Variants in FBXW10B observed in about 807,000 individuals in gnomAD.
FBXW10B encodes the protein F-box and WD repeat domain containing 10B.
the FBXW10B span, among the ~76,000 whole-genome samples, chr17:15,571,317 T>C: frequency 6.6e-6 from 1 of 150,628 alleles, no homozygotes; most frequent in East Asian, 2.0e-4. Context: ...TGCACTCAAG[T>C]CTGGGTGACA....
At chr17:15,603,559 A>C in the FBXW10B span, among the ~76,000 whole-genome samples, 1 of 152,198 alleles carries the variant, frequency 6.6e-6, no homozygotes. Context: ...CAAAACTGTT[A>C]GACTGTCAAT....
the FBXW10B span, among the ~76,000 whole-genome samples, chr17:15,601,151 T>A: frequency 3.0e-4 from 45 of 150,492 alleles, 1 homozygote; most frequent in South Asian, 2.1e-4. Context: ...AGCTCACGCC[T>A]GTAATCCCAG....
the FBXW10B span, among the ~76,000 whole-genome samples, chr17:15,612,460 G>C: frequency 6.6e-6 from 1 of 151,946 alleles, no homozygotes; most frequent in Non-Finnish European, 1.5e-5. Flanking sequence ...CTTGCAGTGA[G>C]CCAAGACTGT....
the FBXW10B span, among the ~76,000 whole-genome samples, chr17:15,598,286 T>A: frequency 6.6e-6 from 1 of 152,032 alleles, no homozygotes; most frequent in Non-Finnish European, 1.5e-5. Flanking sequence ...TCCTATTATT[T>A]TTTTTTTCTC....
At chr17:15,608,535 C>T in the FBXW10B span, among the ~76,000 whole-genome samples, 1 of 152,042 alleles carries the variant, frequency 6.6e-6, no homozygotes, top group South Asian at 2.1e-4. Flanking sequence ...CTCACTGCAA[C>T]CTCCGCCTCC....
At chr17:15,596,675 G>C in the FBXW10B span, 1 of 1,613,162 alleles carries the variant, frequency 6.2e-7, no homozygotes, top group South Asian at 1.1e-5. Context: ...GAAAAGGAGG[G>C]AGACAGAGGA....
chr17:15,568,918 C>T, the FBXW10B span: 51 of 1,231,698 alleles, frequency 4.1e-5, 1 homozygote, highest in South Asian at 1.6e-3. Flanking sequence ...AGCCCATCAT[C>T]GGTTTTGCGT....
At chr17:15,572,477 C>CT in the FBXW10B span, 1 of 152,248 alleles carries the variant, frequency 6.6e-6, no homozygotes, top group South Asian at 2.1e-4. Context: ...ATGTTACACT[C>CT]TGTGCTAAAT....
At chr17:15,565,922 C>T in the FBXW10B span, 1 of 1,604,954 alleles carries the variant, frequency 6.2e-7, no homozygotes, top group South Asian at 1.1e-5. Context: ...TGGTCTCCAC[C>T]CTTTAAGCTG....
At chr17:15,572,191 T>C in the FBXW10B span, 16 of 152,086 alleles carry the variant, frequency 1.1e-4, no homozygotes, top group African/African-American at 3.6e-4. Flanking sequence ...GAGCACTTGG[T>C]TTTTCCTTGG....
the FBXW10B span, among the ~76,000 whole-genome samples, chr17:15,584,439 C>A: frequency 6.6e-6 from 1 of 151,968 alleles, no homozygotes; most frequent in South Asian, 2.1e-4. Flanking sequence ...TATGTTTCTC[C>A]GAATAACTCA....
the FBXW10B span, among the ~76,000 whole-genome samples, chr17:15,592,647 T>C: frequency 3.3e-5 from 5 of 151,692 alleles, no homozygotes; most frequent in African/African-American, 1.2e-4. Context: ...CCTATATGTC[T>C]CTTTGCATTA....
the FBXW10B span, among the ~76,000 whole-genome samples, chr17:15,567,757 G>A: frequency 6.6e-6 from 1 of 152,130 alleles, no homozygotes; most frequent in African/African-American, 2.4e-5. Flanking sequence ...TAATAAGATC[G>A]CTAAAATCAT....
the FBXW10B span, among the ~76,000 whole-genome samples, chr17:15,613,121 A>G: frequency 6.6e-6 from 1 of 151,732 alleles, no homozygotes; most frequent in Non-Finnish European, 1.5e-5. Flanking sequence ...AAAAAAAAAA[A>G]TCCAAGTTAC....
At chr17:15,581,592 T>C in the FBXW10B span, among the ~76,000 whole-genome samples, 1 of 151,034 alleles carries the variant, frequency 6.6e-6, no homozygotes, top group African/African-American at 2.4e-5. Context: ...TGCCAAGAGA[T>C]ATATAATGAA....
the FBXW10B span, chr17:15,615,581 G>A: frequency 1.2e-6 from 2 of 1,600,644 alleles, no homozygotes; most frequent in Non-Finnish European, 1.7e-6. Context: ...CCAAAGTGCT[G>A]GGATTACAGG....
chr17:15,614,374 T>G, the FBXW10B span, among the ~76,000 whole-genome samples: 1 of 152,018 alleles, frequency 6.6e-6, no homozygotes, highest in Admixed American at 6.6e-5. Context: ...ATTTTTTTTT[T>G]TAGTAGAGGC....
At chr17:15,590,042 C>T in the FBXW10B span, among the ~76,000 whole-genome samples, 1 of 152,046 alleles carries the variant, frequency 6.6e-6, no homozygotes, top group East Asian at 1.9e-4. Context: ...GAGGCAGTGT[C>T]AGCAAAGCGG....
chr17:15,611,413 C>T, the FBXW10B span, among the ~76,000 whole-genome samples: 1 of 152,264 alleles, frequency 6.6e-6, no homozygotes, highest in South Asian at 2.1e-4. Context: ...TCACATAATA[C>T]CTCAGGTTTC....
Sources: gnomAD v4.1 joint callset for allele counts (sites outside exome capture counted in the v4.1 genomes callset) on GRCh38, gnomAD v4.1.1 for gene constraint, MANE v1.5 for transcripts, NCBI Gene and HGNC (gene_info 2026-07-23, HGNC 2026-07-21) for gene names.